Variants in GFM1 observed in about 807,000 individuals in gnomAD.
GFM1 encodes elongation factor G, mitochondrial.
GFM1 carries 62 observed loss-of-function variants against 96.2 expected under a neutral mutation model. The observed-to-expected ratio is 0.64, with a 90% CI of 0.53 to 0.80. The LOEUF is 0.80. Ranked by LOEUF, GFM1 falls within the 30% of genes least tolerant of loss-of-function variation. The pLI is 0.00. For synonymous variants in GFM1, 282 were observed against 312.9 expected (o/e 0.90, Z 1.04); for missense variants, 852 against 916.6 (o/e 0.93, Z 0.91).
intron 13 of GFM1, among the ~76,000 whole-genome samples, chr3:158,678,316 G>A (rs1472490475): frequency 6.6e-6 from 1 of 152,118 alleles, no homozygotes; most frequent in Non-Finnish European, 1.5e-5. Context: ...TAAGGCGATC[G>A]CTGCCATAGG....
At chr3:158,661,129 A>G (rs2108040943) in intron 10 of GFM1, among the ~76,000 whole-genome samples, 154 bp downstream of exon 10, 1 of 152,318 alleles carries the variant, frequency 6.6e-6, no homozygotes, top group South Asian at 2.1e-4. Flanking sequence ...TGTTGGTTAT[A>G]GCTCTTTGAA....
intron 13 of GFM1, among the ~76,000 whole-genome samples, chr3:158,679,323 T>C (rs1346787961): frequency 6.6e-6 from 1 of 152,250 alleles, no homozygotes; most frequent in Non-Finnish European, 1.5e-5. Flanking sequence ...TATTGCGATA[T>C]TAGCTTCATT....
intron 6 of GFM1, 139 bp downstream of exon 6, chr3:158,652,385 CA>C (rs1215689036): frequency 1.6e-5 from 12 of 737,200 alleles, no homozygotes; most frequent in Non-Finnish European, 2.7e-5. Context: ...TTGGCTTCCT[CA>C]AAAAATACTT....
intron 4 of GFM1, among the ~76,000 whole-genome samples, chr3:158,648,643 A>T (rs1285019897): frequency 6.8e-6 from 1 of 147,456 alleles, no homozygotes; most frequent in African/African-American, 2.5e-5. Flanking sequence ...ACACCATCAC[A>T]CTTCAGCCTT....
intron 10 of GFM1, 24 bp from the exon 11 acceptor site, chr3:158,662,604 G>T (rs752308621): frequency 6.8e-7 from 1 of 1,471,736 alleles, no homozygotes; most frequent in Non-Finnish European, 9.5e-7. Flanking sequence ...TAATTCTTCT[G>T]TTTTCTTTTA....
chr3:158,665,506 C>A, intron 12 of GFM1, 32 bp downstream of exon 12: 3 of 1,560,296 alleles, frequency 1.9e-6, no homozygotes, highest in Non-Finnish European at 2.6e-6. Context: ...AAGTTGAAAT[C>A]AATTTATTAC....
chr3:158,654,393 A>G (rs937107347), intron 7 of GFM1, among the ~76,000 whole-genome samples, 154 bp from the exon 8 acceptor site: 3 of 152,016 alleles, frequency 2.0e-5, no homozygotes, highest in Middle Eastern at 3.2e-3. Context: ...ACTTATTTCT[A>G]TTGATCTCTT....
intron 13 of GFM1, chr3:158,668,882 G>T: frequency 1.1e-6 from 1 of 927,282 alleles, no homozygotes; most frequent in Non-Finnish European, 1.6e-6. Context: ...TGAAATCCCA[G>T]GTTTGCTATT....
chr3:158,679,417 G>A (rs6785478), intron 13 of GFM1, among the ~76,000 whole-genome samples: 63,219 of 151,972 alleles, frequency 0.42, 14,293 homozygotes, highest in African/African-American at 0.6. Context: ...GAACAAAAAT[G>A]TATTTGTAAT....
intron 7 of GFM1, 21 bp from the exon 8 acceptor site, chr3:158,654,526 T>A (rs1576736948): frequency 7.3e-7 from 1 of 1,361,596 alleles, no homozygotes; most frequent in East Asian, 2.3e-5. Context: ...TCTCATAGAT[T>A]TATATTTCTT....
chr3:158,656,089 T>C (rs1047064233), intron 8 of GFM1: 9 of 336,792 alleles, frequency 2.7e-5, no homozygotes, highest in Admixed American at 1.5e-4. Flanking sequence ...GTGTTATTCT[T>C]GTCACATCAT....
intron 12 of GFM1, among the ~76,000 whole-genome samples, chr3:158,665,950 G>T (rs1020112064): frequency 6.6e-6 from 1 of 152,210 alleles, no homozygotes; most frequent in Non-Finnish European, 1.5e-5. Flanking sequence ...TATGTGATTA[G>T]AAATTTTGGT....
chr3:158,646,750 G>A lies in GFM1; in HGVS notation c.375G>A (p.Val125=), dbSNP rs1721839573. ...NINIIDTPGH[V]DFTIEVERAL... is the part of the protein sequence containing the mutation. ...ATACTTCATCTTATTCAGGGCATGT[G>A]GACTTCACAATAGAAGTGGAAAGGG... The change falls in exon 4 of 18, where the codon GTG becomes GTA. Residue 125 remains valine (V), a synonymous_variant. Coordinates refer to ENST00000486715, the MANE Select transcript of GFM1 (RefSeq NM_024996.7). 6.2e-7 allele frequency: 1 copy of A among 1,613,026 alleles called. No individual in the cohort carries two copies. Among genetic ancestry groups the A allele is most frequent in the Admixed American group, 1.7e-5 (1 of 59,892 alleles).
At chr3:158,651,061 A>G (rs560139329) in intron 5 of GFM1, 2 of 151,750 alleles carry the variant, frequency 1.3e-5, no homozygotes, top group East Asian at 3.9e-4. Context: ...ACCTTGAAAA[A>G]TTTTCAGACT....
intron 4 of GFM1, among the ~76,000 whole-genome samples, 160 bp downstream of exon 4, chr3:158,647,107 T>C (rs1196787777): frequency 2.0e-5 from 3 of 152,210 alleles, no homozygotes; most frequent in Non-Finnish European, 4.4e-5. Context: ...TTTTAGTAAA[T>C]TGGCTTGTGG....
intron 13 of GFM1, among the ~76,000 whole-genome samples, chr3:158,668,272 T>TA (rs1166203496): frequency 1.3e-5 from 2 of 152,212 alleles, no homozygotes; most frequent in Non-Finnish European, 2.9e-5. Flanking sequence ...CTAGATTACT[T>TA]ATAATACCAA....
In GFM1 at chr3:158,652,125, CT is replaced by C. The variant is rs745718158; in HGVS notation, c.720del (p.Glu241AsnfsTer2). ...GQIVRYGEIPAELRAAATDHR... is the reference protein window; with the variant it reads ...GQIVRYGEIPXELRAAATDHR... ...ATTGTTCGATATGGTGAGATTCCAG[CT>C]GAATTAAGGGCGGCGGCCACTGACC... On this transcript the variant is annotated frameshift_variant, in exon 6 of 18. Coordinates refer to ENST00000486715, the MANE Select transcript of GFM1 (RefSeq NM_024996.7). LOFTEE classifies it high-confidence loss of function. 178 of 1,613,882 alleles carry C rather than the reference CT, an allele frequency of 1.1e-4. No homozygotes were observed. The highest frequency in any genetic ancestry group is 1.5e-4 in the Non-Finnish European group (175 of 1,179,932).
chr3:158,682,194 AC>A (rs1560143749), intron 14 of GFM1, 37 bp downstream of exon 14: 2 of 1,534,428 alleles, frequency 1.3e-6, no homozygotes, highest in Non-Finnish European at 1.8e-6. Flanking sequence ...ATTTTTACTT[AC>A]TAAAAACAGT....
chr3:158,666,450 A>G (rs1723692206), intron 13 of GFM1, 64 bp downstream of exon 13: 1 of 1,337,322 alleles, frequency 7.5e-7, no homozygotes, highest in African/African-American at 1.4e-5. Flanking sequence ...TTGGATATAC[A>G]TACCACTATT....
Sources: allele counts gnomAD v4.1 joint callset (sites outside exome capture counted in the v4.1 genomes callset), GRCh38; gene constraint gnomAD v4.1.1; transcripts MANE v1.5; gene names NCBI Gene and HGNC (gene_info 2026-07-23, HGNC 2026-07-21).